Variants in ABR observed in about 807,000 individuals in gnomAD.
ABR encodes ABR activator of RhoGEF and GTPase.
A neutral mutation model predicts 107.2 loss-of-function variants in ABR; 35 were observed. The observed-to-expected ratio is 0.33, with a 90% CI of 0.25 to 0.43. The LOEUF is 0.43. Ranked by LOEUF, ABR falls within the 20% of genes least tolerant of loss-of-function variation. The probability of loss-of-function intolerance (pLI) is 1.00; values close to 1 mark genes in which losing one functional copy is unlikely to be tolerated. For missense variants in ABR, 815 were observed against 1,115.2 expected (o/e 0.73, Z 3.83); for synonymous variants, 498 against 462.0 (o/e 1.08, Z -1.00).
At chr17:1,189,498 C>A (rs111443282), upstream of ABR, among the ~76,000 whole-genome samples, 1 of 152,040 alleles carries the variant, frequency 6.6e-6, no homozygotes, top group Non-Finnish European at 1.5e-5. Context: ...GGGATAGAGA[C>A]CCGCACATCC....
chr17:1,226,929 G>A lies in ABR; in HGVS notation c.838+1864C>T, dbSNP rs201830631. On this transcript the variant is annotated intron_variant, in intron 1 of 22. Transcript: ENST00000574139. The stretch of plus-strand genomic sequence containing the variant: ...GTCCACCCCCCACTCACTTCCTCAC[G>A]AGGAGGCTTTGGAGACAGAGGCAGA... Among the ~76,000 whole-genome samples, 329 of 140,410 alleles carry A rather than the reference G, an allele frequency of 2.3e-3. 1 individual carries two copies. The highest frequency in any genetic ancestry group is 7.2e-3 in the African/African-American group (273 of 37,782). 92.1% of individuals were successfully genotyped at this position (140,410 alleles called of 152,430 possible).
chr17:1,218,420 A>G (rs1055212395), intron 1 of ABR, among the ~76,000 whole-genome samples: 1 of 152,180 alleles, frequency 6.6e-6, no homozygotes, highest in Non-Finnish European at 1.5e-5. Context: ...CAGTCACCTT[A>G]TTTTAAAGTG....
At chr17:1,125,450 GC>G in intron 1 of ABR, 83 bp from the exon 2 acceptor site, 3 of 1,511,700 alleles carry the variant, frequency 2.0e-6, no homozygotes, top group Non-Finnish European at 2.7e-6. Flanking sequence ...GCCGGCGGCG[GC>G]CCCCGGCAGC....
intron 1 of ABR, among the ~76,000 whole-genome samples, chr17:1,137,866 G>C (rs969728951): frequency 6.6e-6 from 1 of 152,122 alleles, no homozygotes; most frequent in Non-Finnish European, 1.5e-5. Flanking sequence ...CTTTAGGTTG[G>C]AGCAAAGGTA....
chr17:1,041,691 C>T (rs983143267), intron 16 of ABR, among the ~76,000 whole-genome samples: 1 of 152,270 alleles, frequency 6.6e-6, no homozygotes, highest in East Asian at 1.9e-4. Context: ...CAAGACTGCG[C>T]CATTACACTC....
At chr17:1,223,022 C>T (rs941534647) in intron 1 of ABR, among the ~76,000 whole-genome samples, 4 of 151,718 alleles carry the variant, frequency 2.6e-5, no homozygotes, top group Non-Finnish European at 4.4e-5. Context: ...GACAACATGG[C>T]GAAACCCCGT....
chr17:1,099,695 C>T (rs2037735730), intron 3 of ABR, among the ~76,000 whole-genome samples: 1 of 152,214 alleles, frequency 6.6e-6, no homozygotes, highest in Admixed American at 6.5e-5. Flanking sequence ...CTGTGTAGTA[C>T]TTTTATCTTC....
rs1209306587 is a variant in ABR, at chr17:1,208,760, C to T, written c.838+20033G>A. On this transcript the variant is annotated intron_variant, in intron 1 of 22. Coordinates refer to the ABR transcript ENST00000574139. ...AAAATTAGCCGGGTGTGGTGGCGGG[C>T]GCCTGTAGTCCCAGCTACTCGGGAG... 3.9e-5 allele frequency among the ~76,000 whole-genome samples: 6 copies of T among 152,030 alleles called. No homozygotes were observed. In the East Asian group the frequency reaches 7.7e-4, roughly 20 times the overall value.
chr17:1,019,109 G>A (rs1241163102), intron 16 of ABR, among the ~76,000 whole-genome samples: 11 of 152,164 alleles, frequency 7.2e-5, no homozygotes, highest in Non-Finnish European at 7.3e-5. Context: ...GTGCTGGGAG[G>A]CCACCCCCAG....
At chr17:1,028,584 T>C (rs993527587) in intron 16 of ABR, among the ~76,000 whole-genome samples, 2 of 152,202 alleles carry the variant, frequency 1.3e-5, no homozygotes, top group African/African-American at 2.4e-5. Context: ...TGATCCTCTC[T>C]GAAGCAAAGG....
rs947884191 is a variant in ABR at position 1,037,667 on chromosome 17, C to T, written c.1791+12383G>A. Among the ~76,000 whole-genome samples the T allele has an allele frequency of 2.6e-5, 4 of 152,178 alleles. No homozygotes were observed. The highest frequency in any genetic ancestry group is 9.7e-5 in the African/African-American group (4 of 41,446). On this transcript the variant is annotated intron_variant, in intron 16 of 22. Transcript: ENST00000302538. The surrounding 1 kb of genome is among the most constrained non-coding windows in gnomAD (Gnocchi z 4.6). Reference sequence around the variant, plus strand: ...CTGGGCTGCTTGCCTGCTCCTCCTCCCGGGAAGGAGGGGGTGTGGCCGGGT... The same window carrying T: ...CTGGGCTGCTTGCCTGCTCCTCCTCTCGGGAAGGAGGGGGTGTGGCCGGGT...
chr17:1,074,161 G>A (rs1312239944), intron 6 of ABR, among the ~76,000 whole-genome samples: 1 of 148,024 alleles, frequency 6.8e-6, no homozygotes, highest in East Asian at 2.0e-4. Flanking sequence ...GAATCACACA[G>A]CTCCACCCAG....
At chr17:1,129,037 T>A (rs1020271840) in intron 1 of ABR, among the ~76,000 whole-genome samples, 4 of 152,220 alleles carry the variant, frequency 2.6e-5, no homozygotes, top group African/African-American at 9.6e-5. Flanking sequence ...ACCCAGGTGA[T>A]CTTCCCTGAC....
At chr17:1,201,771 C>G (rs183230490) in intron 1 of ABR, among the ~76,000 whole-genome samples, 2 of 152,068 alleles carry the variant, frequency 1.3e-5, no homozygotes, top group South Asian at 4.2e-4. Context: ...CTGCCTCCCA[C>G]GTTCACGCCA....
At chr17:1,146,761 T>C (rs181022420) in intron 1 of ABR, among the ~76,000 whole-genome samples, 32 of 112,878 alleles carry the variant, frequency 2.8e-4, no homozygotes, top group East Asian at 1.3e-3. Flanking sequence ...CACTGCCACA[T>C]GACACCACTG....
intron 1 of ABR, among the ~76,000 whole-genome samples, chr17:1,225,654 C>CA (rs1318063865): frequency 6.6e-6 from 1 of 151,514 alleles, no homozygotes; most frequent in African/African-American, 2.4e-5. Flanking sequence ...TCTGTCTCGA[C>CA]AAAAAAGAAA....
chr17:1,075,571 C>A (rs1026620606), intron 6 of ABR, among the ~76,000 whole-genome samples: 2 of 139,132 alleles, frequency 1.4e-5, no homozygotes, highest in Non-Finnish European at 3.0e-5. Context: ...ACTGGGGGAG[C>A]GGTTAAAAGA....
chr17:1,217,277 G>A (rs2043029254), intron 1 of ABR, among the ~76,000 whole-genome samples: 1 of 152,192 alleles, frequency 6.6e-6, no homozygotes, highest in Non-Finnish European at 1.5e-5. Flanking sequence ...TCTGTAATTG[G>A]ATGCTTCGCT....
chr17:1,113,191 G>A (rs1307791764), intron 2 of ABR, among the ~76,000 whole-genome samples: 1 of 151,988 alleles, frequency 6.6e-6, no homozygotes, highest in Non-Finnish European at 1.5e-5. Context: ...GGAGGGGCAA[G>A]GCCGTACTGG....
Sources: gnomAD v4.1 joint callset for allele counts (sites outside exome capture counted in the v4.1 genomes callset) on GRCh38, gnomAD v4.1.1 for gene constraint, Gnocchi (gnomAD v3.1) non-coding constraint, MANE v1.5 for transcripts, NCBI Gene and HGNC (gene_info 2026-07-23, HGNC 2026-07-21) for gene names.